POU6F2: variants seen among roughly 807,000 people sequenced by gnomAD.
POU6F2 encodes POU class 6 homeobox 2.
A neutral mutation model predicts 71.3 loss-of-function variants in POU6F2; 31 were observed. The observed-to-expected ratio is 0.43, with a 90% confidence interval of 0.33 to 0.59. The LOEUF (loss-of-function observed/expected upper bound fraction) is 0.59. Among genes scored for constraint, POU6F2 ranks in the 20% least tolerant of loss-of-function variants. The pLI, the probability that POU6F2 is intolerant of heterozygous loss-of-function variation, is 0.04. For missense variants in POU6F2, 783 were observed against 856.8 expected (o/e 0.91, Z 1.07); for synonymous variants, 347 against 355.7 (o/e 0.98, Z 0.27).
At chr7:39,001,675 TG>T (rs1788912515) in intron 1 of POU6F2, among the ~76,000 whole-genome samples, 3 of 151,188 alleles carry the variant, frequency 2.0e-5, no homozygotes, top group Non-Finnish European at 4.4e-5. Flanking sequence ...GTGGTGATGG[TG>T]ATGGTGATGG....
At chr7:38,998,994 G>A (rs1006355609) in intron 1 of POU6F2, among the ~76,000 whole-genome samples, 3 of 151,984 alleles carry the variant, frequency 2.0e-5, no homozygotes, top group Admixed American at 2.0e-4. Context: ...ATATAAGGGT[G>A]AGTTGGAAGA....
At chr7:39,069,664 A>T (rs1383109590) in intron 1 of POU6F2, among the ~76,000 whole-genome samples, 2 of 152,232 alleles carry the variant, frequency 1.3e-5, no homozygotes, top group Admixed American at 6.5e-5. Flanking sequence ...CTTATTTAGT[A>T]TGTTATATGT....
intron 6 of POU6F2, among the ~76,000 whole-genome samples, chr7:39,413,432 C>T (rs1271583050): frequency 6.6e-6 from 1 of 152,092 alleles, no homozygotes; most frequent in African/African-American, 2.4e-5. Context: ...AAGTAAGAAT[C>T]AGACATGTTT....
At position 39,370,668 on chromosome 7, in the gene POU6F2, G is replaced by A. The variant is rs947702100; in HGVS notation, c.972+30653G>A. Among the ~76,000 whole-genome samples, 7 of 152,304 alleles carry A rather than the reference G, an allele frequency of 4.6e-5. No homozygotes were observed. In the South Asian group the frequency reaches 1.0e-3, roughly 23 times the overall value. On this transcript the variant is annotated intron_variant, in intron 5 of 9. Transcript: ENST00000518318. ...TTATGTGTCAACTTGATTGGGCCAC[G>A]TTGCCCACATAGCTCAAGTGTTATT...
intron 1 of POU6F2, among the ~76,000 whole-genome samples, chr7:39,046,129 A>G (rs1044475106): frequency 2.0e-5 from 3 of 151,794 alleles, no homozygotes; most frequent in African/African-American, 7.3e-5. Flanking sequence ...GATATTGTCT[A>G]TATTTTTTAT....
intron 1 of POU6F2, among the ~76,000 whole-genome samples, chr7:38,987,673 C>A (rs975924286): frequency 6.6e-6 from 1 of 152,114 alleles, no homozygotes; most frequent in Non-Finnish European, 1.5e-5. Flanking sequence ...AGAAGGTAGA[C>A]AAAGTGTACA....
intron 4 of POU6F2, among the ~76,000 whole-genome samples, chr7:39,252,341 G>T (rs1404351052): frequency 6.6e-6 from 1 of 150,784 alleles, no homozygotes; most frequent in African/African-American, 2.4e-5. Flanking sequence ...AGATTCATAA[G>T]TTTTGCAGCC....
chr7:39,384,502 C>T (rs1246246500), intron 5 of POU6F2, among the ~76,000 whole-genome samples: 2 of 152,080 alleles, frequency 1.3e-5, no homozygotes, highest in South Asian at 2.1e-4. Context: ...TTCTTTTTAA[C>T]CAAAGTAAAC....
chr7:39,390,058 G>A (rs559160621), intron 5 of POU6F2, among the ~76,000 whole-genome samples: 1 of 152,270 alleles, frequency 6.6e-6, no homozygotes, highest in African/African-American at 2.4e-5. Context: ...GGTAGGTAGT[G>A]ATAGTGAGGA....
chr7:39,397,903 C>G (rs918675442), intron 5 of POU6F2, among the ~76,000 whole-genome samples: 1 of 146,180 alleles, frequency 6.8e-6, no homozygotes, highest in Middle Eastern at 3.5e-3. Context: ...ACTGCAACCT[C>G]CGCCTCCCGG....
chr7:39,099,359 C>G (rs1019230614), intron 2 of POU6F2, among the ~76,000 whole-genome samples: 1 of 152,208 alleles, frequency 6.6e-6, no homozygotes, highest in Non-Finnish European at 1.5e-5. Context: ...GAGTTCCTCC[C>G]AGGGGCATCC....
chr7:39,229,681 A>G (rs1794537825), intron 4 of POU6F2, among the ~76,000 whole-genome samples: 1 of 152,242 alleles, frequency 6.6e-6, no homozygotes, highest in South Asian at 2.1e-4. Context: ...AATGATCCAA[A>G]TATTACCTAC....
At chr7:39,069,311 TGA>T (rs2128717716) in intron 1 of POU6F2, among the ~76,000 whole-genome samples, 1 of 152,314 alleles carries the variant, frequency 6.6e-6, no homozygotes, top group East Asian at 1.9e-4. Flanking sequence ...TGCCAGGGAC[TGA>T]GTGTTAGAGA....
chr7:39,270,378 G>A (rs1784319262), intron 4 of POU6F2, among the ~76,000 whole-genome samples: 2 of 152,202 alleles, frequency 1.3e-5, no homozygotes, highest in Admixed American at 1.3e-4. Flanking sequence ...GGCACAGAGA[G>A]GTTAAAGGAT....
intron 2 of POU6F2, among the ~76,000 whole-genome samples, chr7:39,168,655 T>G (rs1793159919): frequency 6.6e-6 from 1 of 152,228 alleles, no homozygotes; most frequent in African/African-American, 2.4e-5. Context: ...CGATACAGGC[T>G]TAACTGGAGT....
intron 5 of POU6F2, among the ~76,000 whole-genome samples, chr7:39,340,723 C>T (rs1785899805): frequency 6.6e-6 from 1 of 152,094 alleles, no homozygotes; most frequent in South Asian, 2.1e-4. Context: ...CTATAACCTA[C>T]CTATTGAGAA....
intron 4 of POU6F2, among the ~76,000 whole-genome samples, chr7:39,275,593 A>G (rs1385341006): frequency 6.6e-6 from 1 of 152,246 alleles, no homozygotes; most frequent in Non-Finnish European, 1.5e-5. Context: ...CGCATTGCCA[A>G]GTCAATCCTA....
intron 1 of POU6F2, among the ~76,000 whole-genome samples, chr7:39,002,889 C>T (rs868152293): frequency 2.0e-5 from 3 of 152,172 alleles, no homozygotes; most frequent in South Asian, 4.1e-4. Context: ...ATGAAGGTTT[C>T]CTTTATGATT....
chr7:39,004,316 A>G (rs545852057), intron 1 of POU6F2, among the ~76,000 whole-genome samples: 2 of 152,374 alleles, frequency 1.3e-5, no homozygotes, highest in South Asian at 2.1e-4. Context: ...ATTATTGTCA[A>G]TATGAGTATT....
Sources: gnomAD v4.1 joint callset for allele counts (sites outside exome capture counted in the v4.1 genomes callset) on GRCh38, gnomAD v4.1.1 for gene constraint, MANE v1.5 for transcripts, NCBI Gene and HGNC (gene_info 2026-07-23, HGNC 2026-07-21) for gene names.